CYP3A5: variants seen among roughly 807,000 people sequenced by gnomAD.
CYP3A5 encodes cytochrome P450 family 3 subfamily A member 5.
A neutral mutation model predicts 55.9 loss-of-function variants in CYP3A5; 51 were observed. The observed-to-expected ratio is 0.91, with a 90% confidence interval of 0.73 to 1.15. The LOEUF (loss-of-function observed/expected upper bound fraction) is 1.15. CYP3A5 is among the 50% of genes most tolerant of loss of function. The pLI, the probability that CYP3A5 is intolerant of heterozygous loss-of-function variation, is 0.00. For missense variants in CYP3A5, 533 were observed against 596.6 expected (o/e 0.89, Z 1.11); for synonymous variants, 196 against 213.9 (o/e 0.92, Z 0.73).
chr7:99,658,929 C>A (rs1355246867), intron 10 of CYP3A5: 1 of 152,234 alleles, frequency 6.6e-6, no homozygotes, highest in Non-Finnish European at 1.5e-5. Flanking sequence ...GTCTTCAGCT[C>A]CATCAGGTCC....
At chr7:99,661,577 C>T (rs2151403657) in intron 9 of CYP3A5, among the ~76,000 whole-genome samples, 1 of 152,320 alleles carries the variant, frequency 6.6e-6, no homozygotes. Context: ...CATCACTAGT[C>T]TGTTTGGTCA....
intron 10 of CYP3A5, 54 bp downstream of exon 10, chr7:99,660,445 C>T: frequency 6.5e-7 from 1 of 1,528,476 alleles, no homozygotes; most frequent in Non-Finnish European, 8.8e-7. Context: ...GGTGAGGAGG[C>T]ATTTTTGCTA....
intron 10 of CYP3A5, chr7:99,658,849 T>C (rs962072971): frequency 6.6e-6 from 1 of 152,266 alleles, no homozygotes; most frequent in African/African-American, 2.4e-5. Flanking sequence ...CCATCACTGA[T>C]ACCCTTTCTT....
At chr7:99,674,501 G>A in intron 3 of CYP3A5, 32 bp downstream of exon 3, 1 of 1,586,008 alleles carries the variant, frequency 6.3e-7, no homozygotes, top group Non-Finnish European at 8.7e-7. Context: ...ACAGTAGCAG[G>A]TCTATCCAAT....
chr7:99,671,019 C>T (rs988507898), intron 4 of CYP3A5: 1 of 152,040 alleles, frequency 6.6e-6, no homozygotes, highest in Admixed American at 6.6e-5. Context: ...TTTTGAAAGA[C>T]CCTCTGAATG....
chr7:99,664,092 A>C lies in CYP3A5; in HGVS notation c.674T>G (p.Leu225Arg). 2 of 1,574,920 alleles carry C rather than the reference A, an allele frequency of 1.3e-6. No homozygotes were observed. The highest frequency in any genetic ancestry group is 8.5e-7 in the Non-Finnish European group (1 of 1,169,834). Residue 225 changes from leucine to arginine, a missense_variant, in exon 8 of 13, where the codon CTC (leucine) becomes CGC (arginine). Physicochemically the swap from Leu to Arg is moderately radical, Grantham distance 102 (BLOSUM62 -2). Coordinates refer to ENST00000222982, the MANE Select transcript of CYP3A5 (RefSeq NM_000777.5). ...FLDPLFLSII[L>R]FPFLTPVFEA... ...AAAAACTGGGGTAAGGAATGGAAAG[A>C]GTACTGTGGGAAAAACAAAACAAAC...
rs1209270191 is a variant in CYP3A5 at position 99,676,408 on chromosome 7, A to G, written c.72-200T>C. On this transcript the variant is annotated intron_variant, in intron 1 of 12. Coordinates refer to ENST00000222982, the MANE Select transcript of CYP3A5 (RefSeq NM_000777.5). ...ATTCTGAGACCCCTGAAAAGTCTCA[A>G]TGATTAGCTGAAAGCAGCTGAAGTC... The G allele has an allele frequency of 1.1e-5, 17 of 1,503,196 alleles. 1 individual carries two copies. Among genetic ancestry groups the G allele is most frequent in the African/African-American group, 4.1e-5 (3 of 72,580 alleles). The allele number at this position is 1,503,196 out of a possible 1,614,324, so 93.1% of individuals were successfully genotyped here. A position where few individuals can be genotyped will look rare whatever the true frequency, so the allele number is the denominator to read the frequency against.
At chr7:99,655,875 CTGTT>C (rs1450075717) in intron 10 of CYP3A5, among the ~76,000 whole-genome samples, 1 of 152,108 alleles carries the variant, frequency 6.6e-6, no homozygotes, top group African/African-American at 2.4e-5. Flanking sequence ...ATTTGGCTCT[CTGTT>C]TGTCTGTTAT....
Position 99,660,521 on chromosome 7 carries a change from A to G in CYP3A5, c.1004T>C (p.Ile335Thr), listed in dbSNP as rs990544214. 5.0e-6 allele frequency: 8 copies of G among 1,612,504 alleles called. No individual in the cohort carries two copies. Among genetic ancestry groups the G allele is most frequent in the East Asian group, 4.5e-5 (2 of 44,826 alleles). The stretch of plus-strand genomic sequence containing the variant: ...CACCTTATTGGGCAAAACTGCATCA[A>G]TCTCCTTTTGCAGTTTCTGCTGGAC... ...PDVQQKLQKE[I>T]DAVLPNKAPP... is the part of the protein sequence containing the mutation. The change falls in exon 10 of 13, where the codon ATT becomes ACT. Residue 335 changes from isoleucine (I) to threonine (T), a missense_variant. By Grantham distance (89) the Ile-to-Thr change is moderately conservative (BLOSUM62 -1). Transcript: ENST00000222982.
chr7:99,679,380 T>A (rs1406096317), intron 1 of CYP3A5, among the ~76,000 whole-genome samples: 1 of 151,886 alleles, frequency 6.6e-6, no homozygotes, highest in African/African-American at 2.4e-5. Flanking sequence ...CAGCTACACA[T>A]CCCTTCCAGC....
chr7:99,650,002 A>G (rs1809011217), intron 12 of CYP3A5, 71 bp downstream of exon 12: 9 of 1,540,080 alleles, frequency 5.8e-6, no homozygotes, highest in African/African-American at 1.4e-5. Flanking sequence ...ATAAACATGC[A>G]TATTCTTTTA....
At chr7:99,658,898 T>A (rs867168470) in intron 10 of CYP3A5, 6 of 152,272 alleles carry the variant, frequency 3.9e-5, no homozygotes, top group African/African-American at 1.4e-4. Context: ...TGTGCATTCA[T>A]CACGTAGTTC....
At chr7:99,658,391 A>T (rs1231547108) in intron 10 of CYP3A5, among the ~76,000 whole-genome samples, 1 of 152,148 alleles carries the variant, frequency 6.6e-6, no homozygotes, top group Non-Finnish European at 1.5e-5. Context: ...CTTTTCTTTA[A>T]GAATGTTGAA....
intron 10 of CYP3A5, among the ~76,000 whole-genome samples, chr7:99,657,954 C>T (rs913416603): frequency 1.3e-5 from 2 of 152,116 alleles, no homozygotes; most frequent in Non-Finnish European, 1.5e-5. Flanking sequence ...TCCTCCATCC[C>T]TTTATTTTGA....
chr7:99,657,254 A>G (rs1390881859), intron 10 of CYP3A5, among the ~76,000 whole-genome samples: 2 of 152,162 alleles, frequency 1.3e-5, no homozygotes, highest in Admixed American at 1.3e-4. Context: ...ATTGCTTTGA[A>G]TGTGGCCCAG....
At position 99,667,236 on chromosome 7, in the gene CYP3A5, C is replaced by G. The variant is rs28365077; in HGVS notation, c.319-171G>C. Among the ~76,000 whole-genome samples the G allele has an allele frequency of 1.1e-4, 12 of 110,956 alleles. No individual in the cohort carries two copies. In the East Asian group the frequency reaches 2.2e-3, roughly 21 times the overall value. 72.8% of individuals were successfully genotyped at this position (110,956 alleles called of 152,430 possible). Reference sequence around the variant, plus strand: ...GGAGATCCTAGATGCCTAGCCTCTTCTGAGTGTATGTGGGGCGGGGGTGGG... The same window carrying G: ...GGAGATCCTAGATGCCTAGCCTCTTGTGAGTGTATGTGGGGCGGGGGTGGG... On this transcript the variant is annotated intron_variant, in intron 4 of 12. Coordinates refer to ENST00000222982, the MANE Select transcript of CYP3A5 (RefSeq NM_000777.5).
At chr7:99,655,686 T>C (rs1221062816) in intron 10 of CYP3A5, among the ~76,000 whole-genome samples, 6 of 152,318 alleles carry the variant, frequency 3.9e-5, no homozygotes, top group East Asian at 3.9e-4. Flanking sequence ...GCCATTTTCA[T>C]GATATTGATT....
rs747171434 is a variant in CYP3A5 at position 99,672,579 on chromosome 7, C to T, written c.318+1G>A. 1.2e-6 allele frequency: 2 copies of T among 1,611,624 alleles called. No individual in the cohort carries two copies. Among genetic ancestry groups the T allele is most frequent in the Non-Finnish European group, 1.7e-6 (2 of 1,177,948 alleles). On this transcript the variant is annotated splice_donor_variant, in intron 4 of 12. Transcript: ENST00000222982. LOFTEE classifies it high-confidence loss of function. ...TTAAATTTCAAAAAATGGATGCTTACCCTTCGATTTGTGAAGACAGAATAA... is the reference window on the plus strand; with the variant it reads ...TTAAATTTCAAAAAATGGATGCTTATCCTTCGATTTGTGAAGACAGAATAA...
chr7:99,660,266 C>T, intron 10 of CYP3A5: 4 of 134,702 alleles, frequency 3.0e-5, no homozygotes, highest in South Asian at 1.8e-4. Flanking sequence ...ATTGTGATAA[C>T]AGTAAACAGG....
Sources: gnomAD v4.1 joint callset for allele counts (sites outside exome capture counted in the v4.1 genomes callset) on GRCh38, gnomAD v4.1.1 for gene constraint, MANE v1.5 for transcripts, NCBI Gene and HGNC (gene_info 2026-07-23, HGNC 2026-07-21) for gene names.